The following SHROOM2 variants were observed in gnomAD, a reference collection of about 807,000 sequenced individuals.
The protein encoded by SHROOM2 is protein Shroom2.
Under a neutral mutation model 75.9 loss-of-function variants are expected in SHROOM2, and 33 were observed. The observed-to-expected ratio is 0.43, with a 90% CI of 0.33 to 0.58. The LOEUF (loss-of-function observed/expected upper bound fraction) is 0.58. Among genes scored for constraint, SHROOM2 ranks in the 20% least tolerant of loss-of-function variants. The pLI, the probability that SHROOM2 is intolerant of heterozygous loss-of-function variation, is 0.04. For missense variants in SHROOM2, 1,434 were observed against 1,461.2 expected (o/e 0.98, Z 0.30); for synonymous variants, 655 against 663.6 (o/e 0.99, Z 0.20).
intron 1 of SHROOM2, among the ~76,000 whole-genome samples, chrX:9,853,255 G>A (rs768735178): frequency 1.3e-4 from 14 of 111,528 alleles, no homozygotes; most frequent in African/African-American, 4.6e-4. Context: ...CAGCTGTGGA[G>A]GACTGAGGCT....
chrX:9,828,684 C>T (rs1266837665), intron 1 of SHROOM2, among the ~76,000 whole-genome samples: 3 of 109,443 alleles, frequency 2.7e-5, no homozygotes, highest in East Asian at 2.9e-4. Context: ...AGGCTGGTCT[C>T]GAATTCCTGG....
In SHROOM2 at chrX:9,816,913, A is replaced by G. The variant is rs1486825882; in HGVS notation, c.165+30203A>G. 2.7e-5 allele frequency among the ~76,000 whole-genome samples: 3 copies of G among 111,753 alleles called. No homozygotes were observed. The East Asian group carries it at 8.4e-4, about 31-fold the overall frequency. On this transcript the variant is annotated intron_variant, in intron 1 of 9. Coordinates refer to ENST00000380913, the MANE Select transcript of SHROOM2 (RefSeq NM_001649.4). ...CTTAAATTTTCCAGATTTAGGGGAC[A>G]TTGGCAGTATCTTCATCATAACATT...
In SHROOM2 at chrX:9,932,326, C is replaced by G; in HGVS notation, c.3043C>G (p.Leu1015Val). ...PREGRGRAGT[L>V]PRDYRYSEES... The stretch of plus-strand genomic sequence containing the variant: ...GGAGGGCCGGGGCCGAGCGGGAACC[C>G]TACCTCGAGATTATAGATACTCGGA... The change falls in exon 6 of 10, where the codon CTA (leucine) becomes GTA (valine). Residue 1015 changes from leucine (L) to valine (V), a missense_variant. Physicochemically the swap from Leu to Val is conservative, Grantham distance 32. Coordinates refer to ENST00000380913, the MANE Select transcript of SHROOM2 (RefSeq NM_001649.4). 1 of 1,209,765 alleles carries G rather than the reference C, an allele frequency of 8.3e-7. No homozygotes were observed. The highest frequency in any genetic ancestry group is 1.1e-6 in the Non-Finnish European group (1 of 894,400).
In SHROOM2 at chrX:9,808,450, G is replaced by C. The variant is rs1054096765; in HGVS notation, c.165+21740G>C. On this transcript the variant is annotated intron_variant, in intron 1 of 9. Coordinates refer to ENST00000380913, the MANE Select transcript of SHROOM2 (RefSeq NM_001649.4). ...TAGTCCCACCTACTTGGGAGCCTGA[G>C]GCTGGAGGATTTGGCTTGAGTCAGA... Among the ~76,000 whole-genome samples, 5 of 110,017 alleles carry C rather than the reference G, an allele frequency of 4.5e-5. No individual in the cohort carries two copies. The East Asian group carries it at 1.1e-3, about 25-fold the overall frequency.
intron 1 of SHROOM2, among the ~76,000 whole-genome samples, chrX:9,866,562 C>G (rs1331100197): frequency 9.0e-6 from 1 of 111,257 alleles, no homozygotes; most frequent in South Asian, 3.8e-4. Flanking sequence ...GCATTACTCC[C>G]GTGATTTTTC....
chrX:9,937,664 C>A lies in SHROOM2; in HGVS notation c.4118C>A (p.Ser1373Tyr), dbSNP rs771667148. ...AGGAAGCTGCTCCCCAAAATCCCCT[C>A]TCCTAGAAGCACAGAGGAGAGGTGA... The part of the protein sequence containing the change: ...QRRKLLPKIP[S>Y]PRSTEERKEE... The change falls in exon 7 of 10, where the codon TCT becomes TAT. Residue 1373 changes from serine to tyrosine, a missense_variant. By Grantham distance (144) the Ser-to-Tyr change is moderately radical. Around this residue, in one of 3 missense-constraint regions of SHROOM2, gnomAD observed 1,340 missense variants for 1,338.3 expected, o/e 1.00. Coordinates refer to ENST00000380913, the MANE Select transcript of SHROOM2 (RefSeq NM_001649.4). The A allele has an allele frequency of 5.9e-6, 7 of 1,192,766 alleles. 1 individual carries two copies. In the East Asian group the frequency reaches 2.1e-4, roughly 36 times the overall value.
chrX:9,846,318 G>A (rs2084006469), intron 1 of SHROOM2, among the ~76,000 whole-genome samples: 2 of 109,358 alleles, frequency 1.8e-5, no homozygotes, highest in African/African-American at 6.7e-5. Context: ...TTTTTGAGAC[G>A]GAGTCTCGCT....
intron 1 of SHROOM2, among the ~76,000 whole-genome samples, chrX:9,797,971 AT>A (rs2146727964): frequency 8.9e-6 from 1 of 111,986 alleles, no homozygotes; most frequent in South Asian, 3.8e-4. Context: ...AGATTAATTA[AT>A]TATAGTTCTG....
At chrX:9,838,901 G>A (rs1428094356) in intron 1 of SHROOM2, among the ~76,000 whole-genome samples, 1 of 111,589 alleles carries the variant, frequency 9.0e-6, no homozygotes, top group Non-Finnish European at 1.9e-5. Flanking sequence ...ATCCAGAGAC[G>A]GAAAGGAGAT....
intron 1 of SHROOM2, among the ~76,000 whole-genome samples, chrX:9,845,301 G>A (rs751828119): frequency 6.7e-4 from 75 of 112,009 alleles, no homozygotes; most frequent in African/African-American, 2.3e-3. Context: ...ATGTTTATGG[G>A]GCACTGACTC....
rs778363365 is a variant in SHROOM2 at position 9,937,505 on chromosome X, C to G, written c.3959C>G (p.Ala1320Gly). The G allele has an allele frequency of 1.7e-6, 2 of 1,211,450 alleles. No homozygotes were observed. Among genetic ancestry groups the G allele is most frequent in the South Asian group, 3.5e-5 (2 of 56,945 alleles). Residue 1320 changes from alanine to glycine, a missense_variant, in exon 7 of 10, where the codon GCC becomes GGC. Transcript: ENST00000380913. The stretch of plus-strand genomic sequence containing the variant: ...GAAGACCTGAAGTCGGAGGAGCTGG[C>G]CAGGGAGATCGTGGGGAAGGATAAG... ...TVEDLKSEEL[A>G]REIVGKDKSL... is the part of the protein sequence containing the mutation.
At chrX:9,935,060 A>C (rs1452361644) in intron 6 of SHROOM2, among the ~76,000 whole-genome samples, 1 of 111,497 alleles carries the variant, frequency 9.0e-6, no homozygotes, top group Admixed American at 9.6e-5. Context: ...GGGGCAAGCC[A>C]CTGGGCCCAG....
At chrX:9,799,458 G>A (rs1488614805) in intron 1 of SHROOM2, among the ~76,000 whole-genome samples, 9 of 110,757 alleles carry the variant, frequency 8.1e-5, no homozygotes. Context: ...GAGCCACCAC[G>A]CCTGGCCTGA....
rs991744157 is a variant in SHROOM2, at chrX:9,913,187, C to T, written c.2891+14897C>T. On this transcript the variant is annotated intron_variant, in intron 5 of 9. Transcript: ENST00000380913. ...TCAGTAGCAGTAAGAAACAGGCATTCTCACTACACAGGCATTGAATGCGGA... is the reference window on the plus strand; with the variant it reads ...TCAGTAGCAGTAAGAAACAGGCATTTTCACTACACAGGCATTGAATGCGGA... 2.7e-5 allele frequency: 3 copies of T among 112,280 alleles called. No homozygotes were observed. In the East Asian group the frequency reaches 8.4e-4, roughly 31 times the overall value. The allele number at this position is 112,280 out of a possible 1,213,427, so 9.3% of individuals were successfully genotyped here.
chrX:9,873,793 G>C lies in SHROOM2; in HGVS notation c.307G>C (p.Val103Leu). ...VKGSHKTLKL[V>L]VKRRSELGWR... is the part of the protein sequence containing the mutation. ...GGGGTCCCATAAGACCCTGAAGCTG[G>C]TCGTCAAAAGGTAAGATCTGAGCTT... Residue 103 changes from valine (V) to leucine (L), a missense_variant, in exon 2 of 10, where the codon GTC (valine) becomes CTC (leucine). Coordinates refer to ENST00000380913, the MANE Select transcript of SHROOM2 (RefSeq NM_001649.4). 8.3e-7 allele frequency: 1 copy of C among 1,211,106 alleles called. No individual in the cohort carries two copies. The highest frequency in any genetic ancestry group is 1.7e-5 in the African/African-American group (1 of 57,721).
At chrX:9,804,926 G>C (rs917960798) in intron 1 of SHROOM2, among the ~76,000 whole-genome samples, 3 of 110,979 alleles carry the variant, frequency 2.7e-5, no homozygotes, top group African/African-American at 9.8e-5. Context: ...CATGGCATTG[G>C]AGTGGTGCAG....
intron 6 of SHROOM2, 71 bp from the exon 7 acceptor site, chrX:9,937,063 C>A: frequency 9.6e-7 from 1 of 1,042,022 alleles, no homozygotes; most frequent in Non-Finnish European, 1.3e-6. Flanking sequence ...GAGGGGAGGG[C>A]AGGGGACACG....
intron 7 of SHROOM2, among the ~76,000 whole-genome samples, chrX:9,938,868 C>T (rs2084741405): frequency 8.9e-6 from 1 of 111,979 alleles, no homozygotes; most frequent in Admixed American, 9.5e-5. Flanking sequence ...CACACATGTC[C>T]TTGTCCTCAT....
intron 2 of SHROOM2, among the ~76,000 whole-genome samples, chrX:9,888,406 T>C (rs750471679): frequency 8.9e-6 from 1 of 112,093 alleles, no homozygotes; most frequent in South Asian, 3.7e-4. Context: ...CCTCATGCCA[T>C]GGCATGGCAC....
Sources: allele counts gnomAD v4.1 joint callset (sites outside exome capture counted in the v4.1 genomes callset), GRCh38; gene constraint gnomAD v4.1.1; regional missense constraint gnomAD v4.1.1; transcripts MANE v1.5; gene names NCBI Gene and HGNC (gene_info 2026-07-23, HGNC 2026-07-21).